DPP6: variants seen among roughly 807,000 people sequenced by gnomAD.
DPP6 encodes the protein dipeptidyl peptidase like 6, also known as A-type potassium channel modulatory protein DPP6.
In DPP6, 69 loss-of-function variants were observed where a neutral mutation model predicts 122.6. That is an observed-to-expected ratio of 0.56 (90% confidence interval 0.46 to 0.69). DPP6 has a LOEUF of 0.69. Ranked by LOEUF, DPP6 falls within the 30% of genes least tolerant of loss-of-function variation. DPP6 has a pLI of 0.00. For synonymous variants in DPP6, 418 were observed against 433.1 expected (o/e 0.97, Z 0.43); for missense variants, 928 against 1,116.9 (o/e 0.83, Z 2.41).
intron 7 of DPP6, among the ~76,000 whole-genome samples, chr7:154,723,463 ATT>A (rs201171547): frequency 1.1e-5 from 1 of 91,672 alleles, no homozygotes; most frequent in African/African-American, 3.1e-5. Flanking sequence ...CAACACATTT[ATT>A]TTTAAAAAAA....
At chr7:154,632,365 A>T (rs1835457274) in intron 5 of DPP6, among the ~76,000 whole-genome samples, 1 of 152,188 alleles carries the variant, frequency 6.6e-6, no homozygotes, top group African/African-American at 2.4e-5. Context: ...GAAGAGTAGA[A>T]GATGGATTTG....
chr7:153,850,155 A>G, the DPP6 span, among the ~76,000 whole-genome samples: 1 of 152,168 alleles, frequency 6.6e-6, no homozygotes, highest in Non-Finnish European at 1.5e-5. Flanking sequence ...GGGAGTCCAG[A>G]CACAGCTTAG....
chr7:154,711,107 C>T (rs1201384369), intron 7 of DPP6, among the ~76,000 whole-genome samples: 1 of 152,180 alleles, frequency 6.6e-6, no homozygotes, highest in African/African-American at 2.4e-5. Context: ...ATGTCCTTGA[C>T]ATTAGGAAAG....
At chr7:153,803,191 G>A in the DPP6 span, among the ~76,000 whole-genome samples, 2 of 150,826 alleles carry the variant, frequency 1.3e-5, no homozygotes, top group Admixed American at 1.3e-4. Context: ...GCATACCCTA[G>A]CCTGGGATAT....
At chr7:154,718,969 T>A (rs1841651365) in intron 7 of DPP6, among the ~76,000 whole-genome samples, 1 of 152,060 alleles carries the variant, frequency 6.6e-6, no homozygotes, top group African/African-American at 2.4e-5. Flanking sequence ...AAATGATTCA[T>A]CCCCCCACTG....
rs141084411 is a variant in DPP6 at position 154,230,720 on chromosome 7, CTG to C, written c.243+177660_243+177661del. 4.0e-3 allele frequency among the ~76,000 whole-genome samples: 602 copies of C among 152,368 alleles called. 7 individuals are homozygous for C. Among genetic ancestry groups the C allele is most frequent in the African/African-American group, 0.014 (564 of 41,590 alleles). On this transcript the variant is annotated intron_variant, in intron 1 of 25. Coordinates refer to ENST00000377770, the MANE Select transcript of DPP6 (RefSeq NM_130797.4). ...TCACCTCCTCACCAAAAGACAAACA[CTG>C]TGGTTTATCCAAAAGTGGCCTTGCA...
At chr7:154,035,602 T>G (rs1378897186) in intron 1 of DPP6, among the ~76,000 whole-genome samples, 1 of 151,924 alleles carries the variant, frequency 6.6e-6, no homozygotes, top group African/African-American at 2.4e-5. Context: ...TCCATCTCTC[T>G]TTATTGATAG....
chr7:153,897,957 C>T (rs1799479801), intron 1 of DPP6, among the ~76,000 whole-genome samples: 4 of 152,106 alleles, frequency 2.6e-5, no homozygotes, highest in Admixed American at 2.0e-4. Context: ...TCTCCAAAAG[C>T]TGTGTGGATA....
intron 1 of DPP6, among the ~76,000 whole-genome samples, chr7:154,228,855 TA>T (rs1800758409): frequency 6.6e-6 from 1 of 152,342 alleles, no homozygotes; most frequent in East Asian, 1.9e-4. Flanking sequence ...CATTTCAATG[TA>T]ACCTTTTTTA....
At chr7:154,628,561 A>G (rs181934501) in intron 5 of DPP6, among the ~76,000 whole-genome samples, 4 of 152,320 alleles carry the variant, frequency 2.6e-5, no homozygotes, top group Admixed American at 1.3e-4. Context: ...AGAAGGTTTT[A>G]GACAAGATAG....
the DPP6 span, among the ~76,000 whole-genome samples, chr7:153,785,495 A>T: frequency 6.6e-6 from 1 of 152,184 alleles, no homozygotes; most frequent in African/African-American, 2.4e-5. Flanking sequence ...ATCTTTTTCA[A>T]GCATTTTCTA....
chr7:154,537,009 C>T (rs1344522729), intron 3 of DPP6, among the ~76,000 whole-genome samples: 1 of 151,930 alleles, frequency 6.6e-6, no homozygotes, highest in Non-Finnish European at 1.5e-5. Flanking sequence ...TTACTATGAC[C>T]ATGTAATGGG....
At chr7:154,659,599 A>G (rs1332454435) in intron 6 of DPP6, among the ~76,000 whole-genome samples, 2 of 152,220 alleles carry the variant, frequency 1.3e-5, no homozygotes, top group East Asian at 1.9e-4. Context: ...TACACAGGAA[A>G]CAAACTTGGA....
rs539407504 is a variant in DPP6 at position 154,709,490 on chromosome 7, G to A, written c.763-18277G>A. Among the ~76,000 whole-genome samples the A allele has an allele frequency of 6.0e-4, 91 of 152,084 alleles. 3 individuals carry two copies. In the South Asian group the frequency reaches 0.015, roughly 25 times the overall value. ...CCACCTTGGCCTCCCAAAGTGCTAG[G>A]ATTACAGGCAGGAGCCACCATGCTC... On this transcript the variant is annotated intron_variant, in intron 7 of 25. Coordinates refer to ENST00000377770, the MANE Select transcript of DPP6 (RefSeq NM_130797.4).
intron 3 of DPP6, among the ~76,000 whole-genome samples, chr7:154,526,623 T>C (rs1340815373): frequency 6.6e-6 from 1 of 152,196 alleles, no homozygotes; most frequent in Non-Finnish European, 1.5e-5. Context: ...AGCAGTACAG[T>C]TCTAGATTAT....
chr7:153,766,208 C>T, the DPP6 span, among the ~76,000 whole-genome samples: 1 of 152,142 alleles, frequency 6.6e-6, no homozygotes, highest in Non-Finnish European at 1.5e-5. Flanking sequence ...TGGGGTTAGA[C>T]ATTTTGGTGC....
intron 1 of DPP6, among the ~76,000 whole-genome samples, chr7:154,120,295 A>C (rs1807353820): frequency 6.7e-6 from 1 of 148,572 alleles, no homozygotes; most frequent in African/African-American, 2.5e-5. Context: ...CCCAGGCTGG[A>C]GTGCAGTGGT....
chr7:154,238,070 A>G (rs762641654), intron 1 of DPP6, among the ~76,000 whole-genome samples: 2 of 152,224 alleles, frequency 1.3e-5, no homozygotes, highest in Non-Finnish European at 2.9e-5. Flanking sequence ...GAAGATGTCT[A>G]ACGGATCCTT....
intron 1 of DPP6, among the ~76,000 whole-genome samples, chr7:154,061,969 A>G (rs2089018089): frequency 8.2e-6 from 1 of 121,722 alleles, no homozygotes; most frequent in Non-Finnish European, 1.7e-5. Flanking sequence ...GTGGGGACTG[A>G]GAGCTATCCC....
Sources: gnomAD v4.1 joint callset for allele counts (sites outside exome capture counted in the v4.1 genomes callset) on GRCh38, gnomAD v4.1.1 for gene constraint, MANE v1.5 for transcripts, NCBI Gene and HGNC (gene_info 2026-07-23, HGNC 2026-07-21) for gene names.